Variants in TRMT2B observed in about 807,000 individuals in gnomAD.
The protein encoded by TRMT2B is tRNA methyltransferase 2B, also known as tRNA (uracil-5-)-methyltransferase homolog B.
A neutral mutation model predicts 39.7 loss-of-function variants in TRMT2B; 34 were observed. The ratio of observed to expected loss-of-function variants is 0.86; its 90% CI spans 0.65 to 1.14. The LOEUF is 1.14. Among genes scored for constraint, TRMT2B ranks in the 50% most tolerant of loss-of-function variants. TRMT2B has a pLI of 0.00. For synonymous variants in TRMT2B, 132 were observed against 137.3 expected, an observed-to-expected ratio of 0.96 and a Z score of 0.27; for missense variants, 318 against 377.2, an observed-to-expected ratio of 0.84 and a Z score of 1.30.
intron 2 of TRMT2B, among the ~76,000 whole-genome samples, chrX:101,047,999 G>A (rs2088795779): frequency 9.1e-6 from 1 of 109,729 alleles, no homozygotes; most frequent in Non-Finnish European, 1.9e-5. Context: ...GAATGGACTT[G>A]GCCTGACATT....
At chrX:100,997,501 C>T in the TRMT2B span, among the ~76,000 whole-genome samples, 2 of 111,648 alleles carry the variant, frequency 1.8e-5, no homozygotes, top group African/African-American at 6.5e-5. Flanking sequence ...GGATCCCATA[C>T]AACATTTATA....
intron 8 of TRMT2B, among the ~76,000 whole-genome samples, chrX:101,023,237 T>C (rs934319929): frequency 2.7e-5 from 3 of 112,037 alleles, no homozygotes; most frequent in Non-Finnish European, 5.6e-5. Flanking sequence ...AGTTCTCACA[T>C]GGTAATTAAC....
At chrX:101,034,927 G>A (rs1006541575) in intron 7 of TRMT2B, among the ~76,000 whole-genome samples, 11 of 112,114 alleles carry the variant, frequency 9.8e-5, no homozygotes, top group African/African-American at 3.2e-4. Context: ...AGCTACTTGG[G>A]AGGCTGAGGC....
chrX:100,975,786 C>T, the TRMT2B span, among the ~76,000 whole-genome samples: 4 of 110,291 alleles, frequency 3.6e-5, no homozygotes, highest in Admixed American at 3.9e-4. Context: ...GTGTGCACCA[C>T]CACGCCTGGC....
chrX:101,021,622 C>T (rs1415967149), intron 9 of TRMT2B, among the ~76,000 whole-genome samples: 3 of 109,459 alleles, frequency 2.7e-5, no homozygotes, highest in South Asian at 3.9e-4. Flanking sequence ...GAGCGAGACT[C>T]GGTCTCAAAG....
At chrX:101,003,393 G>A in the TRMT2B span, among the ~76,000 whole-genome samples, 1 of 106,857 alleles carries the variant, frequency 9.4e-6, no homozygotes, top group Admixed American at 1.0e-4. Context: ...TTGTTGCCCA[G>A]GCTGGAGTAC....
At chrX:101,031,920 G>C (rs968190657) in intron 7 of TRMT2B, among the ~76,000 whole-genome samples, 5 of 110,918 alleles carry the variant, frequency 4.5e-5, no homozygotes, top group African/African-American at 1.6e-4. Context: ...TGAAAAACAG[G>C]AGAGAGAAAT....
chrX:101,049,485 TC>T (rs201670095), intron 2 of TRMT2B, among the ~76,000 whole-genome samples: 5,854 of 50,616 alleles, frequency 0.12, 657 homozygotes, highest in Admixed American at 0.15. Context: ...AGACCCTGTC[TC>T]CAAAAAAAAA....
the TRMT2B span, among the ~76,000 whole-genome samples, chrX:100,978,811 GTA>G: frequency 2.7e-5 from 3 of 110,451 alleles, no homozygotes; most frequent in Non-Finnish European, 3.8e-5. Flanking sequence ...TTCTCTGGTA[GTA>G]TGTTTTGATT....
intron 13 of TRMT2B, 53 bp downstream of exon 13, chrX:101,018,918 T>C: frequency 1.3e-6 from 1 of 797,640 alleles, no homozygotes; most frequent in South Asian, 2.1e-5. Flanking sequence ...ACAATAAGCA[T>C]GAATGGCTTT....
chrX:100,983,592 G>A, the TRMT2B span, among the ~76,000 whole-genome samples: 1 of 111,059 alleles, frequency 9.0e-6, no homozygotes, highest in African/African-American at 3.3e-5. Flanking sequence ...CCTGACCTCA[G>A]GTGATCTGCC....
chrX:101,007,664 T>A (rs1190061206), downstream of TRMT2B, among the ~76,000 whole-genome samples: 1 of 111,180 alleles, frequency 9.0e-6, no homozygotes, highest in Non-Finnish European at 1.9e-5. Flanking sequence ...TCAAAATTAC[T>A]AACTAAATAA....
At chrX:101,030,555 A>G (rs1051498459) in intron 7 of TRMT2B, among the ~76,000 whole-genome samples, 2 of 101,804 alleles carry the variant, frequency 2.0e-5, no homozygotes, top group South Asian at 9.0e-4. Flanking sequence ...GGTTCAAGCG[A>G]TTCTGCCTCA....
chrX:101,019,792 C>T (rs1344875207), intron 11 of TRMT2B, among the ~76,000 whole-genome samples: 2 of 109,038 alleles, frequency 1.8e-5, no homozygotes, highest in Non-Finnish European at 3.8e-5. Flanking sequence ...GCCACCACGA[C>T]CGGCTAATTT....
At chrX:100,986,846 T>C in the TRMT2B span, 2 of 1,207,459 alleles carry the variant, frequency 1.7e-6, no homozygotes, top group South Asian at 3.6e-5. Context: ...TGTGATATTA[T>C]TGACTATCTA....
chrX:100,987,564 G>C, the TRMT2B span: 1 of 1,206,399 alleles, frequency 8.3e-7, no homozygotes, highest in African/African-American at 1.7e-5. Flanking sequence ...CAGGTACTGA[G>C]ATGCCGCTAT....
At chrX:101,004,820 G>T (rs193087827), downstream of TRMT2B, among the ~76,000 whole-genome samples, 581 of 111,275 alleles carry the variant, frequency 5.2e-3, 2 homozygotes, top group Middle Eastern at 0.018. Context: ...GTTTTAATGT[G>T]AGTCTAATCA....
chrX:101,045,809 ATAT>A lies in TRMT2B; in HGVS notation c.-23-3500_-23-3498del, dbSNP rs1405969093. On this transcript the variant is annotated intron_variant, in intron 2 of 13. Transcript: ENST00000372936. Reference sequence around the variant, plus strand: ...TGAGACTCCATCTCAAAAAATAATAATATTAATAATATAACAAAAATTTTAAAA... The same window carrying A: ...TGAGACTCCATCTCAAAAAATAATAATAATAATATAACAAAAATTTTAAAA... Among the ~76,000 whole-genome samples the A allele has an allele frequency of 5.4e-4, 58 of 107,736 alleles. 1 individual carries two copies. The highest frequency in any genetic ancestry group is 1.9e-3 in the African/African-American group (55 of 29,707). 93.6% of individuals were successfully genotyped at this position (107,736 alleles called of 115,157 possible).
intron 2 of TRMT2B, among the ~76,000 whole-genome samples, chrX:101,045,781 G>C (rs1317826473): frequency 9.2e-6 from 1 of 108,614 alleles, no homozygotes. Context: ...CTAGGTGACA[G>C]AGTGAGACTC....
Sources: gnomAD v4.1 joint callset for allele counts (sites outside exome capture counted in the v4.1 genomes callset) on GRCh38, gnomAD v4.1.1 for gene constraint, MANE v1.5 for transcripts, NCBI Gene and HGNC (gene_info 2026-07-23, HGNC 2026-07-21) for gene names.